SPOP: variants seen among roughly 807,000 people sequenced by gnomAD.
SPOP encodes the protein speckle type BTB/POZ protein.
Under a neutral mutation model 45.6 loss-of-function variants are expected in SPOP, and 11 were observed. That is an observed-to-expected ratio of 0.24 (90% confidence interval 0.15 to 0.40). SPOP has a LOEUF of 0.40. SPOP is among the 10% of genes least tolerant of loss of function. The pLI is 1.00. For missense variants in SPOP, 152 were observed against 465.6 expected (o/e 0.33, Z 6.20); for synonymous variants, 166 against 166.3 (o/e 1.00, Z 0.01).
chr17:49,626,552 G>A (rs542812714), intron 1 of SPOP, among the ~76,000 whole-genome samples: 25 of 152,050 alleles, frequency 1.6e-4, no homozygotes, highest in African/African-American at 4.3e-4. Flanking sequence ...AAAATTAGCC[G>A]GGTGTGATAA....
chr17:49,668,640 G>T (rs1237583270), intron 1 of SPOP, among the ~76,000 whole-genome samples: 4 of 151,860 alleles, frequency 2.6e-5, no homozygotes, highest in Non-Finnish European at 5.9e-5. Flanking sequence ...AAAATGTTAA[G>T]ATTTTATAAA....
chr17:49,608,062 C>A, intron 6 of SPOP, 133 bp from the exon 7 acceptor site: 1 of 575,526 alleles, frequency 1.7e-6, no homozygotes, highest in Admixed American at 3.2e-5. Context: ...CAATTTACAT[C>A]AGAATTACAA....
At chr17:49,627,482 A>T (rs967754617) in intron 1 of SPOP, among the ~76,000 whole-genome samples, 1 of 152,218 alleles carries the variant, frequency 6.6e-6, no homozygotes, top group Non-Finnish European at 1.5e-5. Context: ...GTGGCAATGA[A>T]GGTTTGATTT....
intron 5 of SPOP, chr17:49,618,685 G>A (rs1192147703): frequency 1.7e-5 from 8 of 462,960 alleles, no homozygotes; most frequent in Admixed American, 9.7e-5. Context: ...CCTTTCAAAT[G>A]CTATCTGAAA....
At chr17:49,675,387 A>G (rs2073185937) in intron 1 of SPOP, among the ~76,000 whole-genome samples, 1 of 152,244 alleles carries the variant, frequency 6.6e-6, no homozygotes, top group African/African-American at 2.4e-5. Context: ...CTTATTGTGT[A>G]AAACAAACAA....
Position 49,656,042 on chromosome 17 carries a change from C to T in SPOP, c.-67+21891G>A, listed in dbSNP as rs558634043. On this transcript the variant is annotated intron_variant, in intron 1 of 9. Coordinates refer to ENST00000504102, the MANE Select transcript of SPOP (RefSeq NM_001007228.2). Reference sequence around the variant, plus strand: ...GGTCAGGCTGGTCTCGAACTCCTGACCTTAGGTGATCCACCTGCCTCAGCC... The same window carrying T: ...GGTCAGGCTGGTCTCGAACTCCTGATCTTAGGTGATCCACCTGCCTCAGCC... Among the ~76,000 whole-genome samples the T allele has an allele frequency of 3.7e-3, 560 of 152,168 alleles. 3 individuals carry two copies. The highest frequency in any genetic ancestry group is 5.3e-3 in the Non-Finnish European group (362 of 68,002).
chr17:49,644,721 T>A (rs1489137632), intron 1 of SPOP, among the ~76,000 whole-genome samples: 1 of 152,184 alleles, frequency 6.6e-6, no homozygotes, highest in African/African-American at 2.4e-5. Context: ...GCAGAACTTA[T>A]ATACATATAA....
At chr17:49,642,386 A>G (rs2072673123) in intron 1 of SPOP, among the ~76,000 whole-genome samples, 1 of 151,948 alleles carries the variant, frequency 6.6e-6, no homozygotes, top group African/African-American at 2.4e-5. Context: ...CATCTCTACC[A>G]AAAAATACAA....
intron 1 of SPOP, among the ~76,000 whole-genome samples, chr17:49,661,680 A>G (rs7210870): frequency 0.19 from 28,678 of 152,136 alleles, 2,836 homozygotes; most frequent in East Asian, 0.35. Flanking sequence ...TGTTAAAAAG[A>G]AAAGTCAGTT....
chr17:49,613,274 TA>T (rs78472735), intron 5 of SPOP, among the ~76,000 whole-genome samples: 7,473 of 122,388 alleles, frequency 0.061, 402 homozygotes, highest in African/African-American at 0.16. Flanking sequence ...AATACTAATT[TA>T]AAAAAAAAAA....
At chr17:49,601,836 AAAG>A (rs373638229) in intron 9 of SPOP, 26 bp downstream of exon 9, 13 of 1,610,360 alleles carry the variant, frequency 8.1e-6, no homozygotes, top group East Asian at 2.2e-5. Flanking sequence ...AACTATTTTG[AAAG>A]AAGAACTTTG....
chr17:49,616,098 G>A (rs961090702), intron 5 of SPOP, among the ~76,000 whole-genome samples: 3 of 152,110 alleles, frequency 2.0e-5, no homozygotes, highest in Non-Finnish European at 2.9e-5. Context: ...CCCTGAACAC[G>A]CCTGATTTTG....
chr17:49,616,305 T>A (rs999430909), intron 5 of SPOP, among the ~76,000 whole-genome samples: 6 of 152,172 alleles, frequency 3.9e-5, no homozygotes, highest in African/African-American at 1.2e-4. Context: ...AGAATCCCTA[T>A]GAAACAACTG....
At chr17:49,662,293 A>G (rs2072999060) in intron 1 of SPOP, among the ~76,000 whole-genome samples, 1 of 152,214 alleles carries the variant, frequency 6.6e-6, no homozygotes, top group South Asian at 2.1e-4. Flanking sequence ...GACAAATTCC[A>G]TAAGCTTCAT....
intron 1 of SPOP, among the ~76,000 whole-genome samples, chr17:49,631,341 T>C (rs1235202594): frequency 2.0e-5 from 3 of 152,162 alleles, no homozygotes; most frequent in Admixed American, 6.5e-5. Flanking sequence ...TTTTAACATA[T>C]AGAATATCTC....
At chr17:49,626,622 A>G (rs1439563492) in intron 1 of SPOP, among the ~76,000 whole-genome samples, 1 of 151,924 alleles carries the variant, frequency 6.6e-6, no homozygotes, top group African/African-American at 2.4e-5. Context: ...TGAACCCAGG[A>G]GGTGGAGGTG....
chr17:49,602,098 T>C, intron 8 of SPOP, 91 bp from the exon 9 acceptor site: 1 of 1,439,698 alleles, frequency 6.9e-7, no homozygotes, highest in South Asian at 1.3e-5. Flanking sequence ...ACCATCATAT[T>C]AACTAGATAC....
intron 1 of SPOP, among the ~76,000 whole-genome samples, chr17:49,662,576 AC>A (rs1555583476): frequency 6.6e-6 from 1 of 151,702 alleles, no homozygotes; most frequent in Non-Finnish European, 1.5e-5. Flanking sequence ...AATCCCAGCT[AC>A]TCGGGAGGTT....
chr17:49,639,496 T>C (rs1472710670), intron 1 of SPOP, among the ~76,000 whole-genome samples: 1 of 152,168 alleles, frequency 6.6e-6, no homozygotes, highest in Non-Finnish European at 1.5e-5. Context: ...ATCAACAGAA[T>C]GAATACATAA....
Sources: allele counts gnomAD v4.1 joint callset (sites outside exome capture counted in the v4.1 genomes callset), GRCh38; gene constraint gnomAD v4.1.1; transcripts MANE v1.5; gene names NCBI Gene and HGNC (gene_info 2026-07-23, HGNC 2026-07-21).